The following GRID1 variants were observed in gnomAD, a reference collection of about 807,000 sequenced individuals.
GRID1 encodes glutamate ionotropic receptor delta type subunit 1.
A neutral mutation model predicts 98.0 loss-of-function variants in GRID1; 28 were observed. The ratio of observed to expected loss-of-function variants is 0.29; its 90% CI spans 0.21 to 0.39. GRID1 has a LOEUF of 0.39. Among genes scored for constraint, GRID1 ranks in the 10% least tolerant of loss-of-function variants. The pLI is 1.00. For synonymous variants in GRID1, 553 were observed against 538.5 expected (o/e 1.03, Z -0.37); for missense variants, 1,111 against 1,340.5 (o/e 0.83, Z 2.67).
intron 4 of GRID1, among the ~76,000 whole-genome samples, chr10:86,064,922 T>A (rs900915108): frequency 2.6e-5 from 4 of 152,252 alleles, no homozygotes; most frequent in Non-Finnish European, 5.9e-5. Flanking sequence ...CCATGTGGCA[T>A]CATAAAAATA....
At chr10:85,999,025 C>T (rs1842773383) in intron 4 of GRID1, among the ~76,000 whole-genome samples, 1 of 152,076 alleles carries the variant, frequency 6.6e-6, no homozygotes, top group Non-Finnish European at 1.5e-5. Context: ...CCAGTCTGGC[C>T]AACATGGCGA....
At chr10:86,108,763 T>C (rs966092239) in intron 4 of GRID1, among the ~76,000 whole-genome samples, 1 of 152,226 alleles carries the variant, frequency 6.6e-6, no homozygotes, top group African/African-American at 2.4e-5. Flanking sequence ...AGGTCTTTGA[T>C]CACTTTCAGA....
intron 4 of GRID1, among the ~76,000 whole-genome samples, chr10:86,091,115 G>A (rs1272411742): frequency 6.6e-6 from 1 of 152,172 alleles, no homozygotes; most frequent in East Asian, 1.9e-4. Context: ...TTAACAATTT[G>A]AGCGGGGTGA....
At chr10:85,619,819 C>A in intron 14 of GRID1, 48 bp downstream of exon 14, 1 of 1,461,394 alleles carries the variant, frequency 6.8e-7, no homozygotes, top group South Asian at 1.1e-5. Flanking sequence ...CTACCCTTGA[C>A]CACTAGAGTC....
intron 5 of GRID1, among the ~76,000 whole-genome samples, chr10:85,880,275 G>C (rs1840986107): frequency 6.6e-6 from 1 of 152,124 alleles, no homozygotes; most frequent in African/African-American, 2.4e-5. Flanking sequence ...CATTTTATGA[G>C]GCCAGCATCA....
chr10:86,250,844 T>C (rs1029219011), intron 2 of GRID1, among the ~76,000 whole-genome samples: 1 of 152,068 alleles, frequency 6.6e-6, no homozygotes, highest in African/African-American at 2.4e-5. Flanking sequence ...CTGGGAGGTG[T>C]ACCCAACAGC....
rs548089155 is a variant in GRID1, at chr10:85,781,494, T to G, written c.1234-51880A>C. Among the ~76,000 whole-genome samples, 334 of 152,302 alleles carry G rather than the reference T, an allele frequency of 2.2e-3. 1 individual carries two copies. Among genetic ancestry groups the G allele is most frequent in the Middle Eastern group, 3.4e-3 (1 of 294 alleles). ...GTAAAATACAACATTATTGATTACA[T>G]GAGCTGCAGTATAGCAGTGGCTGGC... On this transcript the variant is annotated intron_variant, in intron 8 of 15. Transcript: ENST00000327946.
intron 13 of GRID1, among the ~76,000 whole-genome samples, chr10:85,642,274 A>T (rs897305834): frequency 6.6e-6 from 1 of 152,198 alleles, no homozygotes; most frequent in African/African-American, 2.4e-5. Flanking sequence ...TTTGACCAGG[A>T]GTCAGAGTTT....
chr10:86,296,862 AG>A (rs1847601211), intron 2 of GRID1, among the ~76,000 whole-genome samples: 1 of 152,190 alleles, frequency 6.6e-6, no homozygotes, highest in Non-Finnish European at 1.5e-5. Flanking sequence ...TATTCTACAC[AG>A]GCAAAAATAC....
chr10:85,892,629 TA>T lies in GRID1; in HGVS notation c.781-23450del, dbSNP rs976384164. On this transcript the variant is annotated intron_variant, in intron 5 of 15. Transcript: ENST00000327946. ...AAGACGTTTTTAGAAAAATAAAAGG[TA>T]AAAAAAAAAATCTTCAGGAAAAAAA... Among the ~76,000 whole-genome samples the T allele has an allele frequency of 8.0e-3, 1,169 of 145,976 alleles. 13 individuals carry two copies. The highest frequency in any genetic ancestry group is 0.026 in the African/African-American group (1,023 of 40,058).
chr10:86,339,284 G>A (rs374477978), intron 2 of GRID1, among the ~76,000 whole-genome samples: 2 of 152,256 alleles, frequency 1.3e-5, no homozygotes, highest in African/African-American at 4.8e-5. Flanking sequence ...GGGAGGAGGA[G>A]GAGGAGGTAT....
chr10:86,133,326 G>A (rs567723290), intron 4 of GRID1, among the ~76,000 whole-genome samples: 314 of 151,886 alleles, frequency 2.1e-3, no homozygotes, highest in Non-Finnish European at 3.0e-3. Flanking sequence ...ATGTGTGCAT[G>A]TGTGTGTGTG....
chr10:85,826,066 C>T (rs1241299357), intron 8 of GRID1, among the ~76,000 whole-genome samples: 1 of 152,174 alleles, frequency 6.6e-6, no homozygotes, highest in African/African-American at 2.4e-5. Context: ...TTGGCTCACG[C>T]CTGTAATCCC....
chr10:85,607,938 C>T (rs1202292412), intron 15 of GRID1, among the ~76,000 whole-genome samples: 3 of 151,968 alleles, frequency 2.0e-5, no homozygotes, highest in Admixed American at 6.6e-5. Flanking sequence ...TTGCCTCAGC[C>T]TCCTGAGTAG....
chr10:85,642,306 T>C (rs1843131241), intron 13 of GRID1, among the ~76,000 whole-genome samples: 1 of 152,178 alleles, frequency 6.6e-6, no homozygotes. Flanking sequence ...GTCTAGTCTT[T>C]CCTTAGGCCT....
At chr10:85,623,889 T>C (rs751173261) in intron 13 of GRID1, among the ~76,000 whole-genome samples, 5 of 152,214 alleles carry the variant, frequency 3.3e-5, no homozygotes, top group Non-Finnish European at 7.3e-5. Context: ...TCAGCAGGAA[T>C]CTAGCTTCCT....
rs1028586697 is a variant in GRID1 at position 85,895,640 on chromosome 10, G to T, written c.780+20546C>A. On this transcript the variant is annotated intron_variant, in intron 5 of 15. Transcript: ENST00000327946. ...CAGTACTGTGTGGTGTGAGCTGAGG[G>T]ACAAAAACCTAATGGTTAACAGAAC... 7.9e-5 allele frequency among the ~76,000 whole-genome samples: 12 copies of T among 152,294 alleles called. No homozygotes were observed. The East Asian group carries it at 2.1e-3, about 27-fold the overall frequency.
At chr10:85,729,400 A>G in intron 9 of GRID1, 113 bp downstream of exon 9, 1 of 625,554 alleles carries the variant, frequency 1.6e-6, no homozygotes, top group Non-Finnish European at 2.9e-6. Context: ...ATGAAAGCTC[A>G]CAATACTCCT....
chr10:85,726,170 G>A (rs1841758059), intron 10 of GRID1, among the ~76,000 whole-genome samples: 1 of 152,126 alleles, frequency 6.6e-6, no homozygotes, highest in South Asian at 2.1e-4. Context: ...AATTTCATAG[G>A]AATTAGAGGT....
Sources: gnomAD v4.1 joint callset for allele counts (sites outside exome capture counted in the v4.1 genomes callset) on GRCh38, gnomAD v4.1.1 for gene constraint, MANE v1.5 for transcripts, NCBI Gene and HGNC (gene_info 2026-07-23, HGNC 2026-07-21) for gene names.